The following RBFOX1 variants were observed in gnomAD, a reference collection of about 807,000 sequenced individuals.
RBFOX1 encodes RNA binding fox-1 homolog 1.
In RBFOX1, 8 loss-of-function variants were observed where a neutral mutation model predicts 57.7. That is an observed-to-expected ratio of 0.14 (90% CI 0.08 to 0.25). RBFOX1 has a LOEUF of 0.25. RBFOX1 is among the 10% of genes least tolerant of loss of function. The pLI is 1.00. For missense variants in RBFOX1, 611 were observed against 548.5 expected, an observed-to-expected ratio of 1.11 and a Z score of -1.14; for synonymous variants, 326 against 222.4, an observed-to-expected ratio of 1.47 and a Z score of -4.15.
chr16:5,437,475 G>T (rs1200012373), intron 1 of RBFOX1, among the ~76,000 whole-genome samples: 1 of 152,200 alleles, frequency 6.6e-6, no homozygotes, highest in Non-Finnish European at 1.5e-5. Flanking sequence ...AGTGTACTGA[G>T]TGCTGTTATA....
At chr16:7,469,350 C>T (rs578124074) in intron 4 of RBFOX1, among the ~76,000 whole-genome samples, 33 of 152,228 alleles carry the variant, frequency 2.2e-4, no homozygotes, top group African/African-American at 3.9e-4. Flanking sequence ...GCGTGAGCCA[C>T]CGCACCTGGC....
At chr16:6,773,019 A>G (rs1416498339) in intron 3 of RBFOX1, among the ~76,000 whole-genome samples, 1 of 42,308 alleles carries the variant, frequency 2.4e-5, no homozygotes, top group Non-Finnish European at 4.0e-5. Context: ...TGTGTGTGTG[A>G]TTGTATTTGT....
At chr16:5,676,365 G>A (rs1237725252) in intron 3 of RBFOX1, among the ~76,000 whole-genome samples, 1 of 152,016 alleles carries the variant, frequency 6.6e-6, no homozygotes, top group Non-Finnish European at 1.5e-5. Flanking sequence ...AACATTTATT[G>A]TGTAGCTGCC....
chr16:6,690,948 G>A (rs943863013), intron 3 of RBFOX1, among the ~76,000 whole-genome samples: 1 of 152,048 alleles, frequency 6.6e-6, no homozygotes, highest in African/African-American at 2.4e-5. Context: ...CTGTGATGAG[G>A]TTGGCTGGGC....
chr16:7,249,168 TCACCACCAACCTTCAGCTAA>T, intron 4 of RBFOX1, among the ~76,000 whole-genome samples: 1 of 152,178 alleles, frequency 6.6e-6, no homozygotes, highest in Non-Finnish European at 1.5e-5. Context: ...TTAGGTGGTA[TCACCACCAACCTTCAGCTAA>T]GTTGACTACA....
chr16:6,064,627 G>A (rs28465273), intron 1 of RBFOX1, among the ~76,000 whole-genome samples: 7,972 of 151,884 alleles, frequency 0.052, 567 homozygotes, highest in African/African-American at 0.16. Context: ...TGCAACCTCC[G>A]CCTCCCGGGT....
chr16:6,565,360 T>C (rs1020768868), intron 2 of RBFOX1, among the ~76,000 whole-genome samples: 3 of 151,908 alleles, frequency 2.0e-5, no homozygotes, highest in African/African-American at 7.2e-5. Context: ...AGATTCAAGC[T>C]GATTCTCCTG....
chr16:7,319,831 C>G (rs1192837702), intron 4 of RBFOX1, among the ~76,000 whole-genome samples: 1 of 152,108 alleles, frequency 6.6e-6, no homozygotes, highest in Non-Finnish European at 1.5e-5. Context: ...TGTAAGGCCT[C>G]TGAGTTCTAA....
chr16:5,848,624 A>G (rs564630887), intron 3 of RBFOX1, among the ~76,000 whole-genome samples: 1 of 152,272 alleles, frequency 6.6e-6, no homozygotes, highest in African/African-American at 2.4e-5. Context: ...GTCTTCCTAC[A>G]GCAGGTGATG....
chr16:7,589,200 A>C (rs1021686795), intron 7 of RBFOX1, among the ~76,000 whole-genome samples: 2 of 152,166 alleles, frequency 1.3e-5, no homozygotes, highest in African/African-American at 4.8e-5. Context: ...TTCTGACCCT[A>C]GGTCTGTCTA....
At chr16:7,671,314 T>C (rs1224157142) in intron 13 of RBFOX1, among the ~76,000 whole-genome samples, 9 of 152,154 alleles carry the variant, frequency 5.9e-5, no homozygotes, top group Non-Finnish European at 1.3e-4. Context: ...AAACACAAGT[T>C]ATAACACAAA....
chr16:7,003,148 G>T (rs867556232), intron 3 of RBFOX1, among the ~76,000 whole-genome samples: 7 of 152,066 alleles, frequency 4.6e-5, no homozygotes, highest in African/African-American at 1.7e-4. Flanking sequence ...AATGAAAGAT[G>T]CTAGACAGAT....
intron 1 of RBFOX1, among the ~76,000 whole-genome samples, chr16:5,384,488 G>A (rs513312): frequency 0.53 from 81,067 of 151,952 alleles, 21,984 homozygotes; most frequent in Middle Eastern, 0.57. Context: ...GTTTTGAAGG[G>A]TGCATAGGAG....
chr16:5,766,192 C>G (rs1052103039), intron 3 of RBFOX1, among the ~76,000 whole-genome samples: 1 of 152,228 alleles, frequency 6.6e-6, no homozygotes, highest in East Asian at 1.9e-4. Context: ...AACAGCTTGT[C>G]TAGCCATGAT....
intron 2 of RBFOX1, among the ~76,000 whole-genome samples, 184 bp downstream of exon 2, chr16:6,317,241 C>G (rs1035684754): frequency 1.3e-5 from 2 of 152,162 alleles, no homozygotes; most frequent in African/African-American, 4.8e-5. Context: ...TAGAACCACC[C>G]TCCTTTAGCC....
intron 3 of RBFOX1, among the ~76,000 whole-genome samples, chr16:5,839,445 C>G (rs759655857): frequency 1.2e-4 from 19 of 152,162 alleles, no homozygotes; most frequent in Non-Finnish European, 2.2e-4. Flanking sequence ...TTGGCATTAT[C>G]TGGTCCTGAT....
chr16:6,674,772 G>C (rs1336101601), intron 3 of RBFOX1, among the ~76,000 whole-genome samples: 2 of 152,170 alleles, frequency 1.3e-5, no homozygotes, highest in East Asian at 3.9e-4. Flanking sequence ...AGCTACAAGA[G>C]GCAAGGAAGG....
chr16:6,295,700 A>C (rs914269957), intron 1 of RBFOX1, among the ~76,000 whole-genome samples: 1 of 152,182 alleles, frequency 6.6e-6, no homozygotes, highest in African/African-American at 2.4e-5. Context: ...TGTGATGCTG[A>C]AGGTACCATT....
At chr16:5,800,516 G>C (rs1354469607) in intron 3 of RBFOX1, among the ~76,000 whole-genome samples, 4 of 152,088 alleles carry the variant, frequency 2.6e-5, no homozygotes, top group African/African-American at 9.7e-5. Flanking sequence ...GCAATGGCAA[G>C]GGCTCTCCAG....
Sources: allele counts gnomAD v4.1 joint callset (sites outside exome capture counted in the v4.1 genomes callset), GRCh38; gene constraint gnomAD v4.1.1; transcripts MANE v1.5; gene names NCBI Gene and HGNC (gene_info 2026-07-23, HGNC 2026-07-21).